CDH18: variants seen among roughly 807,000 people sequenced by gnomAD.
CDH18 encodes cadherin 18, also known as cadherin-18.
A neutral mutation model predicts 67.9 loss-of-function variants in CDH18; 31 were observed. That is an observed-to-expected ratio of 0.46 (90% CI 0.34 to 0.62). The LOEUF is 0.62. CDH18 is among the 20% of genes least tolerant of loss of function. CDH18 has a pLI of 0.01. For synonymous variants in CDH18, 362 were observed against 347.2 expected, an observed-to-expected ratio of 1.04 and a Z score of -0.48; for missense variants, 890 against 975.5, an observed-to-expected ratio of 0.91 and a Z score of 1.17.
At chr5:20,412,237 T>G (rs1176288576) in intron 1 of CDH18, among the ~76,000 whole-genome samples, 2 of 152,164 alleles carry the variant, frequency 1.3e-5, no homozygotes, top group African/African-American at 4.8e-5. Context: ...CAACGGATCT[T>G]TGACAAAATC....
chr5:19,687,344 C>A (rs1761244193), intron 5 of CDH18, among the ~76,000 whole-genome samples: 1 of 152,158 alleles, frequency 6.6e-6, no homozygotes. Flanking sequence ...CCAAATAGCC[C>A]CTGCATCTCA....
At chr5:19,502,862 C>T (rs753208775) in intron 11 of CDH18, 130 bp downstream of exon 11, 2 of 728,302 alleles carry the variant, frequency 2.7e-6, no homozygotes, top group South Asian at 2.9e-5. Flanking sequence ...CAGATCATAA[C>T]ACAGTAGCAT....
intron 1 of CDH18, among the ~76,000 whole-genome samples, chr5:20,348,873 C>T (rs1740923155): frequency 6.6e-6 from 1 of 152,094 alleles, no homozygotes; most frequent in Non-Finnish European, 1.5e-5. Flanking sequence ...AAAAACTTAC[C>T]TTTTGTGCAA....
chr5:20,481,097 A>G (rs943953621), intron 1 of CDH18, among the ~76,000 whole-genome samples: 1 of 152,110 alleles, frequency 6.6e-6, no homozygotes, highest in Non-Finnish European at 1.5e-5. Flanking sequence ...CCTTCAACAC[A>G]GTTCACCTAT....
At chr5:19,652,222 A>G (rs1755682426) in intron 5 of CDH18, among the ~76,000 whole-genome samples, 1 of 151,990 alleles carries the variant, frequency 6.6e-6, no homozygotes, top group African/African-American at 2.4e-5. Context: ...GGGAATTTTT[A>G]TGTTATTAGG....
chr5:20,464,207 A>C (rs1322212804), intron 1 of CDH18, among the ~76,000 whole-genome samples: 1 of 152,226 alleles, frequency 6.6e-6, no homozygotes, highest in Non-Finnish European at 1.5e-5. Flanking sequence ...CAAAAAAAGA[A>C]ACAGAGACAA....
chr5:19,984,222 TATA>T (rs1799339953), intron 1 of CDH18, among the ~76,000 whole-genome samples: 1 of 152,050 alleles, frequency 6.6e-6, no homozygotes, highest in African/African-American at 2.4e-5. Flanking sequence ...TCTAAAAATA[TATA>T]ATTTTAGTTG....
intron 1 of CDH18, among the ~76,000 whole-genome samples, chr5:20,523,662 T>C (rs1244318304): frequency 1.3e-5 from 2 of 152,134 alleles, no homozygotes; most frequent in African/African-American, 4.8e-5. Flanking sequence ...TGCCTCAGCC[T>C]CCCAAGTAGC....
chr5:20,197,299 C>A (rs992897187), intron 2 of CDH18, among the ~76,000 whole-genome samples: 2 of 152,130 alleles, frequency 1.3e-5, no homozygotes, highest in East Asian at 1.9e-4. Flanking sequence ...GCATAAGCCA[C>A]CATGCAGAGC....
At chr5:20,076,425 C>A (rs556809990) in intron 2 of CDH18, among the ~76,000 whole-genome samples, 1 of 151,312 alleles carries the variant, frequency 6.6e-6, no homozygotes, top group African/African-American at 2.4e-5. Flanking sequence ...AAATGTAATA[C>A]AAAAATCAAT....
At chr5:20,017,550 GATT>G (rs1348850903) in intron 2 of CDH18, among the ~76,000 whole-genome samples, 1 of 152,094 alleles carries the variant, frequency 6.6e-6, no homozygotes, top group Non-Finnish European at 1.5e-5. Context: ...AATGTCTATA[GATT>G]AAAATTACTA....
chr5:20,516,648 G>A (rs1275163889), intron 1 of CDH18, among the ~76,000 whole-genome samples: 1 of 151,796 alleles, frequency 6.6e-6, no homozygotes, highest in African/African-American at 2.4e-5. Flanking sequence ...CATAGGTTAT[G>A]TCTTCTTTCT....
chr5:19,935,683 A>G (rs1328484937), intron 2 of CDH18, among the ~76,000 whole-genome samples: 1 of 150,846 alleles, frequency 6.6e-6, no homozygotes, highest in Non-Finnish European at 1.5e-5. Flanking sequence ...TAAGTGATTC[A>G]TTATCCCCTT....
chr5:19,553,633 C>CT (rs1021709184), intron 8 of CDH18, among the ~76,000 whole-genome samples: 3,994 of 108,668 alleles, frequency 0.037, 185 homozygotes, highest in African/African-American at 0.08. Context: ...TGGTCTCATA[C>CT]TTTTTTTTTT....
At chr5:19,856,507 A>C (rs2149954685) in intron 2 of CDH18, among the ~76,000 whole-genome samples, 1 of 152,294 alleles carries the variant, frequency 6.6e-6, no homozygotes, top group South Asian at 2.1e-4. Flanking sequence ...ATGTTGCAGT[A>C]ATGGATAAAA....
chr5:19,851,075 A>G (rs1470010432), intron 2 of CDH18, among the ~76,000 whole-genome samples: 1 of 151,884 alleles, frequency 6.6e-6, no homozygotes, highest in Non-Finnish European at 1.5e-5. Flanking sequence ...GAAAAGTAAT[A>G]ATAAGACTCA....
chr5:19,713,424 T>C (rs1188329123), intron 5 of CDH18, among the ~76,000 whole-genome samples: 1 of 152,258 alleles, frequency 6.6e-6, no homozygotes, highest in South Asian at 2.1e-4. Flanking sequence ...TTACATACCA[T>C]AAAATTTACT....
intron 3 of CDH18, among the ~76,000 whole-genome samples, chr5:19,752,798 C>A (rs1334947622): frequency 6.6e-6 from 1 of 152,178 alleles, no homozygotes; most frequent in South Asian, 2.1e-4. Flanking sequence ...GCCACCTCCA[C>A]CAGAACAGGT....
intron 2 of CDH18, among the ~76,000 whole-genome samples, chr5:20,192,081 G>A (rs1251296309): frequency 6.6e-6 from 1 of 151,810 alleles, no homozygotes; most frequent in Non-Finnish European, 1.5e-5. Flanking sequence ...TCTCATTGTG[G>A]TTTTGATTTG....
Sources: allele counts gnomAD v4.1 joint callset (sites outside exome capture counted in the v4.1 genomes callset), GRCh38; gene constraint gnomAD v4.1.1; transcripts MANE v1.5; gene names NCBI Gene and HGNC (gene_info 2026-07-23, HGNC 2026-07-21).